The following FARS2 variants were observed in gnomAD, a reference collection of about 807,000 sequenced individuals.
FARS2 encodes the protein phenylalanine--tRNA ligase, mitochondrial.
FARS2 carries 40 observed loss-of-function variants against 46.4 expected under a neutral mutation model. The observed-to-expected ratio is 0.86, with a 90% confidence interval of 0.67 to 1.12. The LOEUF is 1.12. FARS2 is among the 50% of genes most tolerant of loss of function. The pLI is 0.00. For synonymous variants in FARS2, 234 were observed against 214.9 expected (o/e 1.09, Z -0.78); for missense variants, 513 against 567.9 (o/e 0.90, Z 0.98).
At chr6:5,325,529 G>A (rs1188152236) in intron 1 of FARS2, among the ~76,000 whole-genome samples, 2 of 152,184 alleles carry the variant, frequency 1.3e-5, no homozygotes, top group Non-Finnish European at 2.9e-5. Context: ...TTGCTGAAGA[G>A]CAGAAGCCAC....
At chr6:5,405,477 G>GTTTTTTTTTTTTTTTTT (rs1554181324) in intron 3 of FARS2, among the ~76,000 whole-genome samples, 1 of 93,168 alleles carries the variant, frequency 1.1e-5, no homozygotes, top group African/African-American at 4.6e-5. Flanking sequence ...GTGGAGCAAG[G>GTTTTTTTTTTTTTTTTT]TTCTTTTTTT....
chr6:5,282,756 G>A (rs1425402028), intron 1 of FARS2, among the ~76,000 whole-genome samples: 2 of 152,206 alleles, frequency 1.3e-5, no homozygotes, highest in African/African-American at 2.4e-5. Context: ...ATTTAAAAGG[G>A]AAAGTGGTTA....
rs1045162704 is a variant in FARS2 at position 5,633,519 on chromosome 6, C to G, written c.1217+20199C>G. Among the ~76,000 whole-genome samples, 3 of 152,180 alleles carry G rather than the reference C, an allele frequency of 2.0e-5. No homozygotes were observed. In the South Asian group the frequency reaches 6.2e-4, roughly 32 times the overall value. ...TTGAACTCAGGTGATGCACCCACTTCAGCATCCCAAAGTGCTGGGATTACA... is the reference window on the plus strand; with the variant it reads ...TTGAACTCAGGTGATGCACCCACTTGAGCATCCCAAAGTGCTGGGATTACA... On this transcript the variant is annotated intron_variant, in intron 6 of 6. Coordinates refer to ENST00000274680, the MANE Select transcript of FARS2 (RefSeq NM_006567.5).
At chr6:5,403,067 T>C (rs572887900) in intron 2 of FARS2, among the ~76,000 whole-genome samples, 3 of 152,340 alleles carry the variant, frequency 2.0e-5, no homozygotes, top group African/African-American at 7.2e-5. Flanking sequence ...TCAATAGTTT[T>C]ATTTGTTCTT....
At chr6:5,560,195 C>T (rs1771907700) in intron 5 of FARS2, among the ~76,000 whole-genome samples, 1 of 152,076 alleles carries the variant, frequency 6.6e-6, no homozygotes, top group African/African-American at 2.4e-5. Flanking sequence ...ACTTAAAGTG[C>T]TTCTTGTAAG....
At chr6:5,567,816 C>G (rs139380803) in intron 5 of FARS2, among the ~76,000 whole-genome samples, 149 of 152,352 alleles carry the variant, frequency 9.8e-4, no homozygotes, top group African/African-American at 3.5e-3. Flanking sequence ...TTTAGCTAGT[C>G]GCTAGCTATT....
chr6:5,690,558 G>A (rs544676549), intron 6 of FARS2, among the ~76,000 whole-genome samples: 19 of 151,526 alleles, frequency 1.3e-4, no homozygotes, highest in African/African-American at 2.4e-4. Flanking sequence ...AGTTTCTGCC[G>A]AGAGATCCGC....
In FARS2 at chr6:5,528,134, A is replaced by G. The variant is rs183727566; in HGVS notation, c.905-17046A>G. Among the ~76,000 whole-genome samples, 32 of 152,098 alleles carry G rather than the reference A, an allele frequency of 2.1e-4. No homozygotes were observed. In the East Asian group the frequency reaches 4.6e-3, roughly 22 times the overall value. ...CAATTCATCTTCATTTCACATTTCTATCTTCGTATGTTTGTGTTTACTTTT... is the reference window on the plus strand; with the variant it reads ...CAATTCATCTTCATTTCACATTTCTGTCTTCGTATGTTTGTGTTTACTTTT... On this transcript the variant is annotated intron_variant, in intron 4 of 6. Transcript: ENST00000274680.
chr6:5,534,167 G>GA (rs1770036755), intron 4 of FARS2, among the ~76,000 whole-genome samples: 2 of 152,220 alleles, frequency 1.3e-5, no homozygotes, highest in South Asian at 2.1e-4. Flanking sequence ...GTGGTGATGA[G>GA]AAAAAATATA....
intron 6 of FARS2, among the ~76,000 whole-genome samples, chr6:5,730,876 C>T (rs1225948024): frequency 1.3e-5 from 2 of 152,278 alleles, no homozygotes; most frequent in African/African-American, 4.8e-5. Context: ...ATCCTTTCAG[C>T]CCTAGATGGT....
intron 5 of FARS2, among the ~76,000 whole-genome samples, chr6:5,583,362 G>A (rs975771271): frequency 3.3e-5 from 5 of 152,316 alleles, no homozygotes; most frequent in African/African-American, 1.2e-4. Context: ...TGCAGAATTT[G>A]TGGAAGAATC....
At chr6:5,460,754 C>T (rs547608742) in intron 4 of FARS2, among the ~76,000 whole-genome samples, 6 of 152,146 alleles carry the variant, frequency 3.9e-5, no homozygotes, top group Non-Finnish European at 7.4e-5. Context: ...ACCAGGAGAA[C>T]GAGCCAAGCT....
chr6:5,628,399 A>G (rs1350049108), intron 6 of FARS2, among the ~76,000 whole-genome samples: 1 of 152,198 alleles, frequency 6.6e-6, no homozygotes, highest in East Asian at 1.9e-4. Flanking sequence ...AGTGACAGCA[A>G]TAGTGGACCT....
intron 4 of FARS2, among the ~76,000 whole-genome samples, chr6:5,445,063 A>C (rs1312389845): frequency 1.3e-5 from 2 of 152,184 alleles, no homozygotes; most frequent in Non-Finnish European, 2.9e-5. Flanking sequence ...GTTTCTTAAT[A>C]AAACCCATAG....
At chr6:5,697,775 A>G (rs9378982) in intron 6 of FARS2, among the ~76,000 whole-genome samples, 145,783 of 152,310 alleles carry the variant, frequency 0.96, 69,840 homozygotes, top group African/African-American at 0.99. Context: ...ATTTCAGGGT[A>G]AAGTTTAGCT....
chr6:5,618,527 A>G (rs191598547), intron 6 of FARS2, among the ~76,000 whole-genome samples: 1 of 152,342 alleles, frequency 6.6e-6, no homozygotes, highest in East Asian at 1.9e-4. Flanking sequence ...TTATTTTCTG[A>G]ACAAAAACAG....
intron 4 of FARS2, among the ~76,000 whole-genome samples, chr6:5,528,018 T>G (rs1478407432): frequency 3.3e-5 from 5 of 152,226 alleles, no homozygotes; most frequent in Non-Finnish European, 5.9e-5. Flanking sequence ...GTCAGTATAT[T>G]TAGCCTTTAA....
chr6:5,692,179 C>T (rs1260474564), intron 6 of FARS2, among the ~76,000 whole-genome samples: 2 of 152,192 alleles, frequency 1.3e-5, no homozygotes, highest in Non-Finnish European at 2.9e-5. Context: ...ATGCTCGGTG[C>T]GCTGCACCCA....
chr6:5,260,590 A>ACCCCCGGGCCCCCGG, upstream of FARS2: 1 of 1,270,492 alleles, frequency 7.9e-7, no homozygotes, highest in Non-Finnish European at 1.1e-6. Flanking sequence ...GTCAGCCCGC[A>ACCCCCGGGCCCCCGG]CCCCCGGTCC....
Sources: gnomAD v4.1 joint callset for allele counts (sites outside exome capture counted in the v4.1 genomes callset) on GRCh38, gnomAD v4.1.1 for gene constraint, MANE v1.5 for transcripts, NCBI Gene and HGNC (gene_info 2026-07-23, HGNC 2026-07-21) for gene names.